Variants in VPS13C observed in about 807,000 individuals in gnomAD.
VPS13C encodes intermembrane lipid transfer protein VPS13C.
Under a neutral mutation model 456.8 loss-of-function variants are expected in VPS13C, and 358 were observed. The observed-to-expected ratio is 0.78, with a 90% CI of 0.72 to 0.86. The LOEUF (loss-of-function observed/expected upper bound fraction) is 0.86, where lower values mean the gene tolerates loss of function less well. VPS13C is among the 40% of genes least tolerant of loss of function. The probability of loss-of-function intolerance (pLI) is 0.00; values close to 1 mark genes in which losing one functional copy is unlikely to be tolerated. For missense variants in VPS13C, 4,818 were observed against 4,385.4 expected, an observed-to-expected ratio of 1.10 and a Z score of -2.79; for synonymous variants, 1,578 against 1,486.7, an observed-to-expected ratio of 1.06 and a Z score of -1.41.
intron 81 of VPS13C, chr15:61,866,030 T>C: frequency 2.0e-6 from 2 of 983,994 alleles, no homozygotes; most frequent in Non-Finnish European, 1.2e-6. Flanking sequence ...AATATTTCCA[T>C]GTTTTGTTTT....
chr15:61,907,004 A>C (rs192260718), intron 66 of VPS13C: 25 of 362,154 alleles, frequency 6.9e-5, no homozygotes, highest in African/African-American at 5.2e-4. Flanking sequence ...AAAATAGGTA[A>C]ATTAATTAAA....
chr15:61,967,416 G>A lies in VPS13C; in HGVS notation c.2943C>T (p.Ser981=), dbSNP rs1489883716. The change falls in exon 29 of 85, where the codon AGC becomes AGT. Residue 981 remains serine, a synonymous_variant. Coordinates refer to ENST00000644861, the MANE Select transcript of VPS13C (RefSeq NM_020821.3). ...GATCTAATCCAGGTTTGTCAGAAGA[G>A]CTAATCAAGTGAAGGGGCTTCCTTT... The part of the protein sequence containing the change: ...GSKRKPLHLI[S]SSDKPGLDLL... 1 of 1,604,806 alleles carries A rather than the reference G, an allele frequency of 6.2e-7. No individual in the cohort carries two copies. Among genetic ancestry groups the A allele is most frequent in the Non-Finnish European group, 8.5e-7 (1 of 1,175,900 alleles).
intron 16 of VPS13C, among the ~76,000 whole-genome samples, chr15:61,994,009 A>G (rs12900645): frequency 0.4 from 60,816 of 151,854 alleles, 13,404 homozygotes; most frequent in Admixed American, 0.52. Flanking sequence ...TACAAATGAG[A>G]CCTAAGATGA....
At chr15:61,891,932 C>T (rs2042664835) in intron 66 of VPS13C, among the ~76,000 whole-genome samples, 1 of 152,170 alleles carries the variant, frequency 6.6e-6, no homozygotes, top group Non-Finnish European at 1.5e-5. Flanking sequence ...TGAAAAGCTC[C>T]ACGCAGATGG....
Position 61,919,422 on chromosome 15 carries a change from T to C in VPS13C, c.7505A>G (p.Asn2502Ser), listed in dbSNP as rs748777188. ...IVPHGYTEVA[N>S]IPVARPGRRL... ...CCGTCCAGGTCTGGCCACAGGGATA[T>C]TTGCAACTTCTGTATATCCATGAGG... Residue 2502 changes from asparagine to serine, a missense_variant, in exon 58 of 85, where the codon AAT becomes AGT. By Grantham distance (46) the Asn-to-Ser change is conservative. Around this residue, in one of 3 missense-constraint regions of VPS13C, gnomAD observed 4,552 missense variants for 4,130.6 expected, o/e 1.10. Coordinates refer to ENST00000644861, the MANE Select transcript of VPS13C (RefSeq NM_020821.3). The C allele has an allele frequency of 1.9e-6, 3 of 1,589,552 alleles. No individual in the cohort carries two copies. In the East Asian group the frequency reaches 6.9e-5, roughly 37 times the overall value.
chr15:61,878,080 C>T (rs1895586051), intron 74 of VPS13C, among the ~76,000 whole-genome samples: 1 of 151,760 alleles, frequency 6.6e-6, no homozygotes. Flanking sequence ...CTTAGAAAGA[C>T]CTCCTCTATT....
intron 50 of VPS13C, 79 bp downstream of exon 50, chr15:61,931,001 TGGATGATCCC>T: frequency 1.4e-6 from 2 of 1,464,702 alleles, no homozygotes; most frequent in Middle Eastern, 1.7e-4. Context: ...AGATCTTTTT[TGGATGATCCC>T]TAGCCTAGCA....
At chr15:61,992,023 GGCT>G (rs1320690028) in intron 16 of VPS13C, among the ~76,000 whole-genome samples, 1 of 151,848 alleles carries the variant, frequency 6.6e-6, no homozygotes, top group Non-Finnish European at 1.5e-5. Flanking sequence ...ATTTTGATAA[GGCT>G]GCATGTTATG....
intron 15 of VPS13C, among the ~76,000 whole-genome samples, chr15:62,005,392 A>C (rs1409560587): frequency 6.6e-6 from 1 of 151,810 alleles, no homozygotes; most frequent in Non-Finnish European, 1.5e-5. Flanking sequence ...CCATCCTTTT[A>C]TTTTGAGCCT....
At chr15:62,002,933 T>A (rs2046684797) in intron 15 of VPS13C, among the ~76,000 whole-genome samples, 1 of 152,332 alleles carries the variant, frequency 6.6e-6, no homozygotes, top group Non-Finnish European at 1.5e-5. Context: ...CCTTGGAGTA[T>A]AGTTTGAAGT....
intron 12 of VPS13C, among the ~76,000 whole-genome samples, chr15:62,011,100 C>T (rs2047024086): frequency 1.3e-5 from 2 of 151,924 alleles, no homozygotes; most frequent in East Asian, 3.9e-4. Context: ...ACGTATATAA[C>T]CTTAGAATCA....
chr15:62,013,578 TA>T (rs1397934941), intron 10 of VPS13C, among the ~76,000 whole-genome samples: 3 of 152,014 alleles, frequency 2.0e-5, no homozygotes, highest in Non-Finnish European at 4.4e-5. Flanking sequence ...CTCTATAGTT[TA>T]AAATAAAATG....
chr15:61,873,668 T>A (rs1202295390), intron 77 of VPS13C, among the ~76,000 whole-genome samples: 2 of 151,400 alleles, frequency 1.3e-5, no homozygotes, highest in Non-Finnish European at 3.0e-5. Flanking sequence ...ACAAAAAAAA[T>A]CACAAACGCT....
intron 1 of VPS13C, among the ~76,000 whole-genome samples, chr15:62,058,499 A>G (rs745721507): frequency 3.9e-5 from 6 of 152,206 alleles, no homozygotes; most frequent in African/African-American, 9.7e-5. Flanking sequence ...AAAAAAATGC[A>G]AATTAAAAAA....
At chr15:61,923,861 CTTTTTTT>C (rs1188960583) in intron 53 of VPS13C, among the ~76,000 whole-genome samples, 1 of 75,124 alleles carries the variant, frequency 1.3e-5, no homozygotes. Flanking sequence ...CCCTCTAAAT[CTTTTTTT>C]TTTTTTTTTT....
At position 61,983,542 on chromosome 15, in the gene VPS13C, G is replaced by A. The variant is rs560924553; in HGVS notation, c.1914+278C>T. Among the ~76,000 whole-genome samples, 8 of 152,176 alleles carry A rather than the reference G, an allele frequency of 5.3e-5. No homozygotes were observed. In the East Asian group the frequency reaches 1.4e-3, roughly 26 times the overall value. On this transcript the variant is annotated intron_variant, in intron 20 of 84. Transcript: ENST00000644861. ...GTAAACGTGTAACAATTTGGAAGTC[G>A]TTGGCAAATAAACAAGAATTTTTAA...
chr15:61,977,028 T>C (rs1309585440), intron 24 of VPS13C, 54 bp downstream of exon 24: 6 of 1,259,882 alleles, frequency 4.8e-6, no homozygotes, highest in Non-Finnish European at 6.8e-6. Flanking sequence ...TAGCAACTGA[T>C]GCAGACATAT....
At chr15:62,035,665 C>A (rs1354214412) in intron 3 of VPS13C, among the ~76,000 whole-genome samples, 1 of 151,958 alleles carries the variant, frequency 6.6e-6, no homozygotes, top group African/African-American at 2.4e-5. Flanking sequence ...GCTCTAAAAG[C>A]AAGGCATACG....
intron 54 of VPS13C, 102 bp downstream of exon 54, chr15:61,922,295 A>G (rs1405508806): frequency 7.3e-7 from 1 of 1,378,588 alleles, no homozygotes; most frequent in Non-Finnish European, 9.9e-7. Flanking sequence ...CTATTCACAT[A>G]TGTACTCATA....
Sources: gnomAD v4.1 joint callset for allele counts (sites outside exome capture counted in the v4.1 genomes callset) on GRCh38, gnomAD v4.1.1 for gene constraint, gnomAD v4.1.1 regional missense constraint, MANE v1.5 for transcripts, NCBI Gene and HGNC (gene_info 2026-07-23, HGNC 2026-07-21) for gene names.